Variants in SHISA6 observed in about 807,000 individuals in gnomAD.
SHISA6 encodes protein shisa-6.
A neutral mutation model predicts 47.9 loss-of-function variants in SHISA6; 22 were observed. The ratio of observed to expected loss-of-function variants is 0.46; its 90% CI spans 0.33 to 0.66. The LOEUF is 0.66. Among genes scored for constraint, SHISA6 ranks in the 30% least tolerant of loss-of-function variants. The pLI is 0.02. For synonymous variants in SHISA6, 388 were observed against 337.8 expected, an observed-to-expected ratio of 1.15 and a Z score of -1.63; for missense variants, 680 against 764.6, an observed-to-expected ratio of 0.89 and a Z score of 1.30.
At chr17:11,494,211 G>C (rs1472281214) in intron 3 of SHISA6, among the ~76,000 whole-genome samples, 1 of 152,014 alleles carries the variant, frequency 6.6e-6, no homozygotes, top group Non-Finnish European at 1.5e-5. Context: ...CAGCTTCCCT[G>C]ATAGCCCCCT....
At chr17:11,285,450 T>G (rs1275333088) in intron 2 of SHISA6, among the ~76,000 whole-genome samples, 1 of 152,140 alleles carries the variant, frequency 6.6e-6, no homozygotes, top group African/African-American at 2.4e-5. Context: ...TGGGAAAAGT[T>G]TTGTCTTAAA....
chr17:11,539,408 CCT>C (rs2071814907), intron 3 of SHISA6, among the ~76,000 whole-genome samples: 1 of 152,264 alleles, frequency 6.6e-6, no homozygotes, highest in Admixed American at 6.5e-5. Context: ...AATCACCCTT[CCT>C]CTGTTTCACC....
intron 2 of SHISA6, among the ~76,000 whole-genome samples, chr17:11,268,199 G>C (rs769252710): frequency 2.6e-5 from 4 of 152,136 alleles, no homozygotes; most frequent in Non-Finnish European, 5.9e-5. Context: ...ATACCACTGT[G>C]AGTTGTATAA....
At chr17:11,431,322 G>A (rs528676307) in intron 3 of SHISA6, among the ~76,000 whole-genome samples, 1 of 152,326 alleles carries the variant, frequency 6.6e-6, no homozygotes, top group African/African-American at 2.4e-5. Context: ...GCAGAGAGGG[G>A]AGTGTGGAGC....
At chr17:11,462,912 A>T (rs1456653287) in intron 3 of SHISA6, among the ~76,000 whole-genome samples, 1 of 152,192 alleles carries the variant, frequency 6.6e-6, no homozygotes, top group Non-Finnish European at 1.5e-5. Flanking sequence ...ATAGCGTGTT[A>T]TCCAGTGTGT....
At chr17:11,542,499 A>T (rs1027061413) in intron 3 of SHISA6, among the ~76,000 whole-genome samples, 2 of 152,108 alleles carry the variant, frequency 1.3e-5, no homozygotes, top group Non-Finnish European at 2.9e-5. Flanking sequence ...GGCTGAAAGG[A>T]AACAGACATT....
chr17:11,368,963 G>A (rs2142235941), intron 2 of SHISA6, among the ~76,000 whole-genome samples: 1 of 152,246 alleles, frequency 6.6e-6, no homozygotes, highest in Non-Finnish European at 1.5e-5. Context: ...CCGAATTATT[G>A]TACTTAATTT....
intron 2 of SHISA6, among the ~76,000 whole-genome samples, chr17:11,331,655 T>G (rs1227558532): frequency 1.3e-5 from 2 of 152,152 alleles, no homozygotes; most frequent in Non-Finnish European, 2.9e-5. Flanking sequence ...CCCTTTGCTC[T>G]CTCTCTCACA....
In SHISA6 at chr17:11,515,250, A is replaced by G. The variant is rs1025584680; in HGVS notation, c.896-36646A>G. On this transcript the variant is annotated intron_variant, in intron 3 of 5. Transcript: ENST00000441885. ...AGGGCAAGACTCTTTCTCAAAAAAA[A>G]AAAAAAAAGAAAAAAGAAAATAGAG... Among the ~76,000 whole-genome samples the G allele has an allele frequency of 2.9e-4, 43 of 149,320 alleles. 1 individual carries two copies. The highest frequency in any genetic ancestry group is 9.8e-4 in the African/African-American group (39 of 39,644).
intron 2 of SHISA6, among the ~76,000 whole-genome samples, chr17:11,282,921 TATAG>T (rs777917648): frequency 6.6e-6 from 1 of 152,210 alleles, no homozygotes. Context: ...CATTCAGGTT[TATAG>T]AGTGGAGAGC....
At chr17:11,413,666 A>G (rs1485338345) in intron 3 of SHISA6, among the ~76,000 whole-genome samples, 3 of 152,050 alleles carry the variant, frequency 2.0e-5, no homozygotes, top group Admixed American at 1.3e-4. Context: ...CGTGCCTCTC[A>G]TCACCCCACA....
chr17:11,476,488 A>G (rs575738775), intron 3 of SHISA6, among the ~76,000 whole-genome samples: 1 of 152,098 alleles, frequency 6.6e-6, no homozygotes, highest in East Asian at 1.9e-4. Flanking sequence ...TTTTATTTTC[A>G]CATAGTTCAA....
rs142684973 is a variant in SHISA6 at position 11,469,584 on chromosome 17, C to T, written c.896-82312C>T. Among the ~76,000 whole-genome samples, 1,129 of 152,186 alleles carry T rather than the reference C, an allele frequency of 7.4e-3. 16 individuals carry two copies. Among genetic ancestry groups the T allele is most frequent in the African/African-American group, 0.026 (1,069 of 41,538 alleles). Reference sequence around the variant, plus strand: ...AGGAAGAAAGCAGAGCAGGGGTTGGCGGGGGTTCCTGTGGGTGAGGTTCAC... The same window carrying T: ...AGGAAGAAAGCAGAGCAGGGGTTGGTGGGGGTTCCTGTGGGTGAGGTTCAC... On this transcript the variant is annotated intron_variant, in intron 3 of 5. Transcript: ENST00000441885.
intron 3 of SHISA6, among the ~76,000 whole-genome samples, chr17:11,403,713 C>T (rs1256974146): frequency 2.0e-5 from 3 of 152,316 alleles, no homozygotes; most frequent in African/African-American, 7.2e-5. Context: ...CTGGTGGTGG[C>T]TTTTCGTGGT....
chr17:11,334,835 G>A (rs1402215783), intron 2 of SHISA6, among the ~76,000 whole-genome samples: 1 of 152,218 alleles, frequency 6.6e-6, no homozygotes, highest in Non-Finnish European at 1.5e-5. Flanking sequence ...CAGCCCCACG[G>A]AAGACCCTCT....
intron 2 of SHISA6, among the ~76,000 whole-genome samples, chr17:11,350,505 T>G (rs1911851493): frequency 6.6e-6 from 1 of 152,024 alleles, no homozygotes; most frequent in Non-Finnish European, 1.5e-5. Flanking sequence ...GGTCAGCTTA[T>G]GAAGAAACCA....
intron 3 of SHISA6, among the ~76,000 whole-genome samples, chr17:11,532,711 G>A (rs887717766): frequency 8.2e-5 from 12 of 147,062 alleles, no homozygotes; most frequent in Non-Finnish European, 3.0e-5. Flanking sequence ...CAAAGCAGGA[G>A]CCCATGCCTT....
chr17:11,343,821 A>G (rs1243112012), intron 2 of SHISA6, among the ~76,000 whole-genome samples: 1 of 152,240 alleles, frequency 6.6e-6, no homozygotes. Context: ...GAGATGGAGC[A>G]TAAAAAGTGA....
At chr17:11,277,280 T>TCTCTCTCTCTCTCTCTCACACACA (rs1386997909) in intron 2 of SHISA6, among the ~76,000 whole-genome samples, 10 of 53,924 alleles carry the variant, frequency 1.9e-4, no homozygotes, top group African/African-American at 2.2e-4. Context: ...TCTCTCTCTC[T>TCTCTCTCTCTCTCTCTCACACACA]CACACACACA....
Sources: allele counts gnomAD v4.1 joint callset (sites outside exome capture counted in the v4.1 genomes callset), GRCh38; gene constraint gnomAD v4.1.1; transcripts MANE v1.5; gene names NCBI Gene and HGNC (gene_info 2026-07-23, HGNC 2026-07-21).